Variants in ACTN2 observed in about 807,000 individuals in gnomAD.
ACTN2 encodes alpha-actinin-2.
In ACTN2, 39 loss-of-function variants were observed where a neutral mutation model predicts 113.8. That is an observed-to-expected ratio of 0.34 (90% CI 0.27 to 0.45). The LOEUF (loss-of-function observed/expected upper bound fraction) is 0.45. ACTN2 is among the 20% of genes least tolerant of loss of function. ACTN2 has a pLI of 1.00. For missense variants in ACTN2, 992 were observed against 1,177.9 expected (o/e 0.84, Z 2.31); for synonymous variants, 429 against 444.1 (o/e 0.97, Z 0.43).
At chr1:236,725,792 G>A in intron 4 of ACTN2, 141 bp from the exon 5 acceptor site, 1 of 775,904 alleles carries the variant, frequency 1.3e-6, no homozygotes, top group East Asian at 2.5e-5. Context: ...CAGGGTTCTG[G>A]CTCCTATGCA....
At chr1:236,761,539 A>G (rs1659710591) in intron 20 of ACTN2, among the ~76,000 whole-genome samples, 1 of 152,140 alleles carries the variant, frequency 6.6e-6, no homozygotes, top group Non-Finnish European at 1.5e-5. Flanking sequence ...TATGCAATTT[A>G]GATGTTATAA....
intron 1 of ACTN2, among the ~76,000 whole-genome samples, chr1:236,690,793 G>A (rs1441080552): frequency 6.6e-6 from 1 of 152,108 alleles, no homozygotes; most frequent in Non-Finnish European, 1.5e-5. Flanking sequence ...TTAATCATAA[G>A]TGTACAATTC....
chr1:236,754,897 T>G lies in ACTN2; in HGVS notation c.1975-122T>G. On this transcript the variant is annotated intron_variant, in intron 16 of 20. Transcript: ENST00000366578. This position sits in a 1 kb window ranked among gnomAD's most constrained non-coding sequence, Gnocchi z 4.9. ...CTGAGAAAAGTGAACCGAGTGACAC[T>G]GGCCGCTGCCTGACGCTGGCCTAGC... is the stretch of plus-strand genomic sequence containing the variant. 8.7e-7 allele frequency: 1 copy of G among 1,150,332 alleles called. No homozygotes were observed. The highest frequency in any genetic ancestry group is 1.3e-6 in the Non-Finnish European group (1 of 761,782). 71.3% of individuals were successfully genotyped at this position (1,150,332 alleles called of 1,614,324 possible).
In ACTN2 at chr1:236,709,480, T is replaced by C. The variant is rs139089935; in HGVS notation, c.127-8378T>C. On this transcript the variant is annotated intron_variant, in intron 1 of 20. Coordinates refer to ENST00000366578, the MANE Select transcript of ACTN2 (RefSeq NM_001103.4). Reference sequence around the variant, plus strand: ...CGAGTTCTGAGCCATGACTGCAGGCTGGACCGAGCTCTGCCTGTCCTCCAT... The same window carrying C: ...CGAGTTCTGAGCCATGACTGCAGGCCGGACCGAGCTCTGCCTGTCCTCCAT... Among the ~76,000 whole-genome samples, 512 of 151,292 alleles carry C rather than the reference T, an allele frequency of 3.4e-3. 2 individuals carry two copies. The highest frequency in any genetic ancestry group is 6.8e-3 in the Middle Eastern group (2 of 292).
chr1:236,759,816 A>C (rs1021913950), intron 19 of ACTN2, 27 bp downstream of exon 19: 5 of 1,595,052 alleles, frequency 3.1e-6, no homozygotes, highest in Middle Eastern at 1.7e-4. Context: ...AATTGTACTA[A>C]GATTTGATAT....
intron 12 of ACTN2, among the ~76,000 whole-genome samples, chr1:236,747,215 G>A (rs1202505356): frequency 2.6e-5 from 4 of 152,264 alleles, no homozygotes; most frequent in Non-Finnish European, 4.4e-5. Context: ...TTAGAAATCT[G>A]TTGGCCAGCG....
Position 236,754,325 on chromosome 1 carries a change from T to G in ACTN2, c.1974+244T>G, listed in dbSNP as rs534988601. 9.8e-5 allele frequency among the ~76,000 whole-genome samples: 15 copies of G among 152,322 alleles called. No individual in the cohort carries two copies. On this transcript the variant is annotated intron_variant, in intron 16 of 20. Transcript: ENST00000366578. This position sits in a 1 kb window ranked among gnomAD's most constrained non-coding sequence, Gnocchi z 4.9. ...GAAGGGGAGGGGGGTCTTGCTGGGTTCTGTTTATTTTCTCACTAAAAATGG... is the reference window on the plus strand; with the variant it reads ...GAAGGGGAGGGGGGTCTTGCTGGGTGCTGTTTATTTTCTCACTAAAAATGG...
intron 7 of ACTN2, among the ~76,000 whole-genome samples, chr1:236,734,703 T>C (rs1400217630): frequency 1.3e-5 from 2 of 152,232 alleles, no homozygotes; most frequent in Non-Finnish European, 2.9e-5. Flanking sequence ...CATGCAGTGG[T>C]ATGCCGTTCA....
chr1:236,691,489 A>T (rs1261564876), intron 1 of ACTN2, among the ~76,000 whole-genome samples: 1 of 151,498 alleles, frequency 6.6e-6, no homozygotes, highest in Non-Finnish European at 1.5e-5. Flanking sequence ...CAAAAAAAAT[A>T]AAAAATTTAG....
intron 18 of ACTN2, among the ~76,000 whole-genome samples, chr1:236,758,670 A>G (rs1404831017): frequency 6.6e-6 from 1 of 150,462 alleles, no homozygotes; most frequent in African/African-American, 2.5e-5. Flanking sequence ...CCCAGGCTGG[A>G]GTGCAATGGT....
At chr1:236,709,220 GTATATATATA>G (rs758619189) in intron 1 of ACTN2, among the ~76,000 whole-genome samples, 5,375 of 66,832 alleles carry the variant, frequency 0.08, 223 homozygotes, top group Middle Eastern at 0.14. Context: ...ACAAATGACT[GTATATATATA>G]TATATATATA....
intron 12 of ACTN2, among the ~76,000 whole-genome samples, chr1:236,745,939 T>G (rs575100927): frequency 1.1e-4 from 17 of 151,944 alleles, no homozygotes; most frequent in East Asian, 9.7e-4. Context: ...TGAGGTGGGC[T>G]GATCACGAGG....
chr1:236,762,649 C>G lies in ACTN2; in HGVS notation c.*30C>G. 6.2e-7 allele frequency: 1 copy of G among 1,610,516 alleles called. No homozygotes were observed. Among genetic ancestry groups the G allele is most frequent in the Non-Finnish European group, 8.5e-7 (1 of 1,178,270 alleles). On this transcript the variant is annotated 3_prime_UTR_variant, in exon 21 of 21. Coordinates refer to ENST00000366578, the MANE Select transcript of ACTN2 (RefSeq NM_001103.4). ...GAGCTTCTGTAATCACTCATCCCAT[C>G]AGAATGCAATAAAAGCGGAAGTCAC...
chr1:236,749,972 G>A (rs1219406485), intron 14 of ACTN2, among the ~76,000 whole-genome samples: 1 of 152,190 alleles, frequency 6.6e-6, no homozygotes, highest in Non-Finnish European at 1.5e-5. Context: ...GATCTACAGA[G>A]TTTTTTGCCA....
rs1553298580 is a variant in ACTN2 at position 236,709,253 on chromosome 1, T to TATAC, written c.127-8603_127-8600dup. On this transcript the variant is annotated intron_variant, in intron 1 of 20. Transcript: ENST00000366578. Reference sequence around the variant, plus strand: ...ATATATATATATATATATATATATATATACACACACACACACACATATATA... The same window carrying TATAC: ...ATATATATATATATATATATATATATATACATACACACACACACACACATATATA... Among the ~76,000 whole-genome samples, 11 of 70,204 alleles carry TATAC rather than the reference T, an allele frequency of 1.6e-4. No homozygotes were observed. In the East Asian group the frequency reaches 1.8e-3, roughly 12 times the overall value. The allele number at this position is 70,204 out of a possible 152,430, so 46.1% of individuals were successfully genotyped here.
At chr1:236,692,371 C>A (rs1666115260) in intron 1 of ACTN2, among the ~76,000 whole-genome samples, 1 of 152,188 alleles carries the variant, frequency 6.6e-6, no homozygotes, top group Admixed American at 6.5e-5. Context: ...GTCTGTTTAT[C>A]CACTGGGAGA....
intron 1 of ACTN2, among the ~76,000 whole-genome samples, chr1:236,709,220 GTATATATATATATATATATA>G (rs758619189): frequency 1.0e-4 from 7 of 66,838 alleles, no homozygotes; most frequent in Admixed American, 6.7e-4. Context: ...ACAAATGACT[GTATATATATATATATATATA>G]TATATATATA....
rs1019401703 is a variant in ACTN2 at position 236,747,658 on chromosome 1, T to C, written c.1407-9T>C. On this transcript the variant is annotated splice_polypyrimidine_tract_variant and intron_variant, in intron 12 of 20. Transcript: ENST00000366578. ...AAAGTTAATCTTTATTTATTTTCAC[T>C]TTTAATAGTGAACTGGACTATCACG... The C allele has an allele frequency of 5.6e-6, 9 of 1,612,186 alleles. No homozygotes were observed. The highest frequency in any genetic ancestry group is 5.0e-5 in the Admixed American group (3 of 59,978).
intron 1 of ACTN2, among the ~76,000 whole-genome samples, chr1:236,687,017 A>G (rs1292185248): frequency 6.6e-6 from 1 of 151,840 alleles, no homozygotes; most frequent in Admixed American, 6.6e-5. Flanking sequence ...GCGCGCTAGC[A>G]GCATCGGAGG....
Sources: gnomAD v4.1 joint callset for allele counts (sites outside exome capture counted in the v4.1 genomes callset) on GRCh38, gnomAD v4.1.1 for gene constraint, Gnocchi (gnomAD v3.1) non-coding constraint, MANE v1.5 for transcripts, NCBI Gene and HGNC (gene_info 2026-07-23, HGNC 2026-07-21) for gene names.